SCN8A: variants seen among roughly 807,000 people sequenced by gnomAD.
SCN8A encodes sodium voltage-gated channel alpha subunit 8, also known as sodium channel protein type 8 subunit alpha.
SCN8A carries 30 observed loss-of-function variants against 184.1 expected under a neutral mutation model. The ratio of observed to expected loss-of-function variants is 0.16; its 90% CI spans 0.12 to 0.22. The LOEUF (loss-of-function observed/expected upper bound fraction) is 0.22, where lower values mean the gene tolerates loss of function less well. Among genes scored for constraint, SCN8A ranks in the 10% least tolerant of loss-of-function variants. SCN8A has a pLI of 1.00. For missense variants in SCN8A, 1,057 were observed against 2,498.9 expected, an observed-to-expected ratio of 0.42 and a Z score of 12.30; for synonymous variants, 852 against 907.0, an observed-to-expected ratio of 0.94 and a Z score of 1.09.
chr12:51,602,361 A>T (rs1347233915), intron 1 of SCN8A, among the ~76,000 whole-genome samples: 1 of 152,192 alleles, frequency 6.6e-6, no homozygotes, highest in African/African-American at 2.4e-5. Context: ...CAGAAGGCCA[A>T]ACATTGTATA....
At chr12:51,663,158 A>G in intron 2 of SCN8A, 65 bp downstream of exon 2, 1 of 1,554,292 alleles carries the variant, frequency 6.4e-7, no homozygotes, top group Non-Finnish European at 8.8e-7. Flanking sequence ...GAGATGGGGG[A>G]GAAAGAACTG....
intron 1 of SCN8A, among the ~76,000 whole-genome samples, chr12:51,609,582 G>A (rs769895380): frequency 7.2e-5 from 11 of 152,116 alleles, no homozygotes; most frequent in African/African-American, 2.7e-4. Flanking sequence ...AGTTTGTTTT[G>A]TCTGATATAA....
intron 1 of SCN8A, among the ~76,000 whole-genome samples, chr12:51,614,630 C>T (rs761401193): frequency 6.6e-6 from 1 of 152,112 alleles, no homozygotes; most frequent in Non-Finnish European, 1.5e-5. Context: ...AGGTAAGCTA[C>T]AGACTTCATT....
At chr12:51,794,773 T>G (rs1938363108) in intron 26 of SCN8A, 132 bp downstream of exon 26, 1 of 865,552 alleles carries the variant, frequency 1.2e-6, no homozygotes, top group Non-Finnish European at 1.8e-6. Context: ...TAAGTCCATG[T>G]GTGCCCCTGA....
At chr12:51,592,561 G>A (rs1939251877) in intron 1 of SCN8A, among the ~76,000 whole-genome samples, 2 of 152,054 alleles carry the variant, frequency 1.3e-5, no homozygotes, top group Admixed American at 6.6e-5. Context: ...GATGTCATCT[G>A]TTTGGGGGGA....
intron 12 of SCN8A, among the ~76,000 whole-genome samples, chr12:51,740,919 G>A (rs1025144453): frequency 1.3e-5 from 2 of 152,138 alleles, no homozygotes; most frequent in Non-Finnish European, 2.9e-5. Context: ...TGATTAGCTG[G>A]GACTACAGGC....
intron 1 of SCN8A, among the ~76,000 whole-genome samples, chr12:51,636,720 C>G (rs1053273098): frequency 7.9e-5 from 12 of 152,348 alleles, no homozygotes; most frequent in Non-Finnish European, 1.8e-4. Flanking sequence ...CCACAAACAA[C>G]TATCCAGTGG....
intron 1 of SCN8A, among the ~76,000 whole-genome samples, chr12:51,608,390 T>A (rs1939646005): frequency 6.6e-6 from 1 of 152,114 alleles, no homozygotes; most frequent in Non-Finnish European, 1.5e-5. Context: ...TATTGGTAAT[T>A]TTTAAATTAC....
rs563108295 is a variant in SCN8A at position 51,800,654 on chromosome 12, G to A, written c.4796-5628G>A. The stretch of plus-strand genomic sequence containing the variant: ...GGGAAAATGACCACAGGATGAATCC[G>A]GGACCCACTGTAAGTCAGACCTGAG... On this transcript the variant is annotated intron_variant, in intron 26 of 26. Coordinates refer to ENST00000627620, the MANE Select transcript of SCN8A (RefSeq NM_001330260.2). Among the ~76,000 whole-genome samples, 25 of 152,220 alleles carry A rather than the reference G, an allele frequency of 1.6e-4. No individual in the cohort carries two copies. The South Asian group carries it at 2.7e-3, about 16-fold the overall frequency.
intron 2 of SCN8A, among the ~76,000 whole-genome samples, chr12:51,678,440 T>C (rs900671837): frequency 1.3e-5 from 2 of 152,230 alleles, no homozygotes; most frequent in African/African-American, 4.8e-5. Flanking sequence ...TCTCCTCAAA[T>C]TTATGGTTTG....
intron 12 of SCN8A, among the ~76,000 whole-genome samples, chr12:51,732,441 A>C (rs1306219222): frequency 6.6e-6 from 1 of 152,056 alleles, no homozygotes; most frequent in Admixed American, 6.6e-5. Flanking sequence ...GTCTGTTTTT[A>C]TGCCAGTACC....
intron 20 of SCN8A, chr12:51,780,294 A>G (rs1937856921): frequency 4.5e-6 from 2 of 442,586 alleles, no homozygotes; most frequent in African/African-American, 2.0e-5. Context: ...TCGTCTGTTC[A>G]GGCTCCTCTC....
At chr12:51,724,354 C>T (rs773180353) in intron 12 of SCN8A, among the ~76,000 whole-genome samples, 1 of 151,652 alleles carries the variant, frequency 6.6e-6, no homozygotes, top group Non-Finnish European at 1.5e-5. Flanking sequence ...AGCCAAGGCA[C>T]GAGAATCACT....
Position 51,609,587 on chromosome 12 carries a change from A to C in SCN8A, c.-55+18228A>C, listed in dbSNP as rs1481209233. Among the ~76,000 whole-genome samples, 3 of 151,956 alleles carry C rather than the reference A, an allele frequency of 2.0e-5. No individual in the cohort carries two copies. In the East Asian group the frequency reaches 5.8e-4, roughly 29 times the overall value. ...GTTGCTTTAAAGTTTGTTTTGTCTG[A>C]TATAAGAATAGCTACCCCTAGGCTG... is the stretch of plus-strand genomic sequence containing the variant. On this transcript the variant is annotated intron_variant, in intron 1 of 26. Transcript: ENST00000627620.
chr12:51,711,912 A>G (rs1203155500), intron 11 of SCN8A, among the ~76,000 whole-genome samples: 1 of 152,002 alleles, frequency 6.6e-6, no homozygotes, highest in African/African-American at 2.4e-5. Flanking sequence ...TTCCCCTTAA[A>G]CTGCAAGTCA....
chr12:51,750,406 G>C (rs558380552), intron 13 of SCN8A, among the ~76,000 whole-genome samples: 56 of 152,306 alleles, frequency 3.7e-4, no homozygotes, highest in African/African-American at 1.3e-3. Flanking sequence ...TAGAAAGAAA[G>C]AGAAAAGCAA....
At chr12:51,616,805 G>A (rs1275802047) in intron 1 of SCN8A, among the ~76,000 whole-genome samples, 14 of 151,848 alleles carry the variant, frequency 9.2e-5, no homozygotes, top group Admixed American at 9.2e-4. Flanking sequence ...TGTAGTCCCA[G>A]CTACTCAGGA....
In SCN8A at chr12:51,791,737, G is replaced by A. The variant is rs562394732; in HGVS notation, c.4524+1235G>A. On this transcript the variant is annotated intron_variant, in intron 25 of 26. Transcript: ENST00000627620. ...AAAAAAATTTTGTAAAAAGTAGCTG[G>A]GCGTGGTTATGTGTACCTGTGGTCC... 5.3e-5 allele frequency among the ~76,000 whole-genome samples: 8 copies of A among 152,174 alleles called. No individual in the cohort carries two copies. In the South Asian group the frequency reaches 1.7e-3, roughly 32 times the overall value.
At chr12:51,718,751 G>A (rs1393305866) in intron 11 of SCN8A, among the ~76,000 whole-genome samples, 4 of 148,930 alleles carry the variant, frequency 2.7e-5, no homozygotes, top group Non-Finnish European at 4.5e-5. Flanking sequence ...TGGCAATGAT[G>A]GAAAGACATT....
Sources: allele counts gnomAD v4.1 joint callset (sites outside exome capture counted in the v4.1 genomes callset), GRCh38; gene constraint gnomAD v4.1.1; transcripts MANE v1.5; gene names NCBI Gene and HGNC (gene_info 2026-07-23, HGNC 2026-07-21).